Variants in SLCO3A1 observed in about 807,000 individuals in gnomAD.
The protein encoded by SLCO3A1 is PGE1 transporter.
SLCO3A1 carries 27 observed loss-of-function variants against 63.1 expected under a neutral mutation model. The ratio of observed to expected loss-of-function variants is 0.43; its 90% CI spans 0.32 to 0.59. The LOEUF (loss-of-function observed/expected upper bound fraction) is 0.59. Among genes scored for constraint, SLCO3A1 ranks in the 20% least tolerant of loss-of-function variants. The probability of loss-of-function intolerance (pLI) is 0.09; values close to 1 mark genes in which losing one functional copy is unlikely to be tolerated. For missense variants in SLCO3A1, 773 were observed against 945.8 expected (o/e 0.82, Z 2.40); for synonymous variants, 473 against 409.9 (o/e 1.15, Z -1.86).
intron 2 of SLCO3A1, among the ~76,000 whole-genome samples, chr15:92,035,056 T>C (rs971032217): frequency 1.3e-5 from 2 of 151,840 alleles, no homozygotes; most frequent in Middle Eastern, 3.2e-3. Context: ...GGATGGAGAA[T>C]CCAGGACAAT....
intron 2 of SLCO3A1, among the ~76,000 whole-genome samples, chr15:92,077,533 G>T (rs539680415): frequency 1.6e-4 from 25 of 152,176 alleles, no homozygotes; most frequent in South Asian, 1.0e-3. Flanking sequence ...ATGAGAAAGC[G>T]TCTGGCTCCC....
chr15:91,958,306 C>G (rs1436371012), intron 2 of SLCO3A1, among the ~76,000 whole-genome samples: 1 of 152,124 alleles, frequency 6.6e-6, no homozygotes, highest in African/African-American at 2.4e-5. Context: ...ACCCTGTCGC[C>G]TGTGTTATTC....
chr15:91,964,695 G>A (rs1400294658), intron 2 of SLCO3A1, among the ~76,000 whole-genome samples: 1 of 152,106 alleles, frequency 6.6e-6, no homozygotes, highest in African/African-American at 2.4e-5. Context: ...CAGTGTGTTG[G>A]GAAGAAGCAG....
intron 8 of SLCO3A1, chr15:92,149,053 A>G (rs1226599931): frequency 6.6e-6 from 1 of 152,326 alleles, no homozygotes; most frequent in East Asian, 1.9e-4. Context: ...CACTAAAGGC[A>G]TTGGAGAAGC....
At chr15:92,108,086 T>C (rs2047687464) in intron 4 of SLCO3A1, among the ~76,000 whole-genome samples, 1 of 152,230 alleles carries the variant, frequency 6.6e-6, no homozygotes, top group Non-Finnish European at 1.5e-5. Context: ...CAGCCATCAA[T>C]TGGGTTTTAC....
intron 2 of SLCO3A1, among the ~76,000 whole-genome samples, chr15:91,940,095 C>A (rs1899565678): frequency 6.6e-6 from 1 of 152,132 alleles, no homozygotes; most frequent in Admixed American, 6.5e-5. Context: ...ATTTCCTTCT[C>A]TCCTTGTTCC....
rs1281300052 is a variant in SLCO3A1, at chr15:91,862,294, C to T, written c.180+8206C>T. ...TCAGCCTCCCCAGTAGCTGGGACTA[C>T]AGGCGCGTACCACCACTCGGCTAAT... On this transcript the variant is annotated intron_variant, in intron 1 of 9. Transcript: ENST00000318445. The surrounding 1 kb of genome is among the most constrained non-coding windows in gnomAD (Gnocchi z 4.0). 6.6e-6 allele frequency among the ~76,000 whole-genome samples: 1 copy of T among 152,028 alleles called. No homozygotes were observed. The highest frequency in any genetic ancestry group is 1.5e-5 in the Non-Finnish European group (1 of 68,020).
intron 2 of SLCO3A1, among the ~76,000 whole-genome samples, chr15:92,034,796 T>C (rs1373215663): frequency 6.6e-5 from 10 of 152,078 alleles, no homozygotes; most frequent in Admixed American, 5.9e-4. Flanking sequence ...GGAACTGTCA[T>C]TGAGACGTTG....
At chr15:92,003,991 G>C (rs1210078300) in intron 2 of SLCO3A1, among the ~76,000 whole-genome samples, 1 of 152,212 alleles carries the variant, frequency 6.6e-6, no homozygotes, top group Non-Finnish European at 1.5e-5. Context: ...TAATCGTCCA[G>C]ATTAACTGAA....
intron 2 of SLCO3A1, among the ~76,000 whole-genome samples, chr15:91,972,486 C>T (rs1239402456): frequency 6.6e-6 from 1 of 152,158 alleles, no homozygotes; most frequent in South Asian, 2.1e-4. Context: ...AGTGGCCTTC[C>T]AACAGACACC....
Position 91,942,340 on chromosome 15 carries a change from AG to A in SLCO3A1, c.646+25883del, listed in dbSNP as rs1899650917. ...GATATTGTTACACAGTGGTGATATG[AG>A]AACACACACCTGTCCATCGTTGAGA... On this transcript the variant is annotated intron_variant, in intron 2 of 9. Coordinates refer to ENST00000318445, the MANE Select transcript of SLCO3A1 (RefSeq NM_013272.4). The surrounding 1 kb of genome is among the most constrained non-coding windows in gnomAD (Gnocchi z 4.1). Among the ~76,000 whole-genome samples the A allele has an allele frequency of 6.6e-6, 1 of 152,206 alleles. No individual in the cohort carries two copies. The highest frequency in any genetic ancestry group is 2.4e-5 in the African/African-American group (1 of 41,446).
At chr15:92,015,797 C>G (rs1000951624) in intron 2 of SLCO3A1, among the ~76,000 whole-genome samples, 1 of 152,086 alleles carries the variant, frequency 6.6e-6, no homozygotes, top group Admixed American at 6.5e-5. Flanking sequence ...AGGCTCTGAC[C>G]CCATTTGCTC....
intron 2 of SLCO3A1, among the ~76,000 whole-genome samples, chr15:92,046,453 C>T (rs899940421): frequency 6.6e-6 from 1 of 152,072 alleles, no homozygotes; most frequent in African/African-American, 2.4e-5. Context: ...TCGCTTGAAC[C>T]CAGGAGGCGG....
intron 4 of SLCO3A1, among the ~76,000 whole-genome samples, chr15:92,120,082 C>A (rs1301789044): frequency 6.6e-6 from 1 of 152,070 alleles, no homozygotes; most frequent in Non-Finnish European, 1.5e-5. Context: ...TATAAACACA[C>A]ACACACACAC....
chr15:92,047,472 AATATATATAAAT>A (rs1338998433), intron 2 of SLCO3A1, among the ~76,000 whole-genome samples: 278 of 24,796 alleles, frequency 0.011, 81 homozygotes, highest in Middle Eastern at 0.038. Flanking sequence ...ATAATATATA[AATATATATAAAT>A]ATATATATAA....
At chr15:92,093,327 A>C (rs2047499796) in intron 2 of SLCO3A1, among the ~76,000 whole-genome samples, 1 of 152,170 alleles carries the variant, frequency 6.6e-6, no homozygotes, top group Non-Finnish European at 1.5e-5. Flanking sequence ...CCAGAGCAAG[A>C]GGGAGAAGGG....
rs1896848835 is a variant in SLCO3A1, at chr15:91,854,110, G to A, written c.180+22G>A. 2.7e-6 allele frequency: 4 copies of A among 1,460,168 alleles called. No individual in the cohort carries two copies. Among genetic ancestry groups the A allele is most frequent in the Non-Finnish European group, 3.6e-6 (4 of 1,097,698 alleles). 90.5% of individuals were successfully genotyped at this position (1,460,168 alleles called of 1,614,324 possible). ...CCTGGTGAGTCCCCGAGCCAACTCCGCCGCGGGCCCCTTCCCCAGCCCGGC... is the reference window on the plus strand; with the variant it reads ...CCTGGTGAGTCCCCGAGCCAACTCCACCGCGGGCCCCTTCCCCAGCCCGGC... On this transcript the variant is annotated intron_variant, in intron 1 of 9. Coordinates refer to ENST00000318445, the MANE Select transcript of SLCO3A1 (RefSeq NM_013272.4). This position sits in a 1 kb window ranked among gnomAD's most constrained non-coding sequence, Gnocchi z 6.4.
chr15:91,951,607 G>A (rs1365079113), intron 2 of SLCO3A1, among the ~76,000 whole-genome samples: 1 of 148,376 alleles, frequency 6.7e-6, no homozygotes, highest in East Asian at 2.0e-4. Context: ...CCAGGCTGGA[G>A]TGCAGTGGTA....
chr15:92,086,607 T>C (rs1244609977), intron 2 of SLCO3A1, among the ~76,000 whole-genome samples: 1 of 152,218 alleles, frequency 6.6e-6, no homozygotes, highest in Non-Finnish European at 1.5e-5. Context: ...TCAGCTTCAC[T>C]CTGATAATGA....
Sources: allele counts gnomAD v4.1 joint callset (sites outside exome capture counted in the v4.1 genomes callset), GRCh38; gene constraint gnomAD v4.1.1; non-coding constraint Gnocchi (gnomAD v3.1); transcripts MANE v1.5; gene names NCBI Gene and HGNC (gene_info 2026-07-23, HGNC 2026-07-21).